CBLB: variants seen among roughly 807,000 people sequenced by gnomAD.
CBLB encodes the protein E3 ubiquitin-protein ligase CBL-B.
A neutral mutation model predicts 104.9 loss-of-function variants in CBLB; 31 were observed. The observed-to-expected ratio is 0.30, with a 90% CI of 0.22 to 0.40. CBLB has a LOEUF of 0.40. Among genes scored for constraint, CBLB ranks in the 10% least tolerant of loss-of-function variants. The pLI is 1.00. For missense variants in CBLB, 1,062 were observed against 1,214.6 expected (o/e 0.87, Z 1.87); for synonymous variants, 440 against 422.6 (o/e 1.04, Z -0.51).
intron 13 of CBLB, among the ~76,000 whole-genome samples, chr3:105,688,710 A>G (rs772448027): frequency 1.5e-4 from 23 of 152,092 alleles, no homozygotes; most frequent in Non-Finnish European, 2.1e-4. Context: ...AAAACAAAAT[A>G]TAGCTATATT....
intron 17 of CBLB, among the ~76,000 whole-genome samples, chr3:105,675,306 T>G (rs1331702604): frequency 6.6e-6 from 1 of 152,188 alleles, no homozygotes; most frequent in African/African-American, 2.4e-5. Context: ...TTATTTACCT[T>G]TTATAATTCT....
chr3:105,776,156 A>G (rs1015557697), intron 4 of CBLB, among the ~76,000 whole-genome samples: 2 of 152,196 alleles, frequency 1.3e-5, no homozygotes, highest in Non-Finnish European at 2.9e-5. Flanking sequence ...AACAAACTCA[A>G]TGAATGCTCA....
At chr3:105,846,089 C>T (rs1428427423) in intron 3 of CBLB, among the ~76,000 whole-genome samples, 1 of 151,784 alleles carries the variant, frequency 6.6e-6, no homozygotes, top group Non-Finnish European at 1.5e-5. Context: ...GAAAAAATGC[C>T]TTGAATGCAA....
intron 4 of CBLB, among the ~76,000 whole-genome samples, chr3:105,764,587 A>T (rs2078017047): frequency 6.6e-6 from 1 of 152,144 alleles, no homozygotes; most frequent in Non-Finnish European, 1.5e-5. Context: ...CCTAAGACAC[A>T]ACAACACTGA....
At chr3:105,782,137 T>C (rs573543254) in intron 3 of CBLB, among the ~76,000 whole-genome samples, 62 of 152,302 alleles carry the variant, frequency 4.1e-4, no homozygotes, top group Middle Eastern at 3.4e-3. Flanking sequence ...GATACTACTA[T>C]TGAGATGGGT....
Position 105,732,198 on chromosome 3 carries a change from T to G in CBLB, c.1203+1811A>C, listed in dbSNP as rs141915481. 2.3e-4 allele frequency among the ~76,000 whole-genome samples: 35 copies of G among 151,924 alleles called. No individual in the cohort carries two copies. The East Asian group carries it at 5.4e-3, about 23-fold the overall frequency. On this transcript the variant is annotated intron_variant, in intron 9 of 18. Coordinates refer to ENST00000394030, the MANE Select transcript of CBLB (RefSeq NM_170662.5). ...AGTCCAATTACAGACAATCTATCACTGAGTCAATATCTCTATAATACCTCC... is the reference window on the plus strand; with the variant it reads ...AGTCCAATTACAGACAATCTATCACGGAGTCAATATCTCTATAATACCTCC...
At chr3:105,848,854 G>A (rs189783331) in intron 3 of CBLB, among the ~76,000 whole-genome samples, 9 of 152,098 alleles carry the variant, frequency 5.9e-5, no homozygotes, top group African/African-American at 2.2e-4. Context: ...AGTAACCAGC[G>A]TTGTCATACC....
At chr3:105,670,150 A>ATAATT in intron 18 of CBLB, 83 bp downstream of exon 18, 1 of 1,125,260 alleles carries the variant, frequency 8.9e-7, no homozygotes, top group Non-Finnish European at 1.3e-6. Flanking sequence ...ATTAAATTAT[A>ATAATT]TAATGAATAA....
At chr3:105,806,644 T>A (rs1235981648) in intron 3 of CBLB, among the ~76,000 whole-genome samples, 3 of 152,078 alleles carry the variant, frequency 2.0e-5, no homozygotes, top group Non-Finnish European at 4.4e-5. Context: ...CCATGGGAAG[T>A]AGGCATGTCA....
Position 105,668,316 on chromosome 3 carries a change from G to A in CBLB, c.2689+1917C>T, listed in dbSNP as rs567062941. ...ATTCATACTGCTTGAAATCATATATGTGAATGATGTTCCTCTGGGCTCTAC... is the reference window on the plus strand; with the variant it reads ...ATTCATACTGCTTGAAATCATATATATGAATGATGTTCCTCTGGGCTCTAC... On this transcript the variant is annotated intron_variant, in intron 18 of 18. Transcript: ENST00000394030. 6.6e-5 allele frequency among the ~76,000 whole-genome samples: 10 copies of A among 152,256 alleles called. No homozygotes were observed. In the East Asian group the frequency reaches 1.7e-3, roughly 26 times the overall value.
intron 17 of CBLB, among the ~76,000 whole-genome samples, chr3:105,675,904 A>AAAAAG (rs2065583134): frequency 6.6e-6 from 1 of 150,556 alleles, no homozygotes; most frequent in African/African-American, 2.4e-5. Context: ...AAAAAAAAAA[A>AAAAAG]AGTCATAAAG....
rs140027541 is a variant in CBLB at position 105,755,137 on chromosome 3, C to T, written c.567-3519G>A. ...TGGTGCGCTGCACCCACTAATGTGT[C>T]ATCTAGCATTAGGTATATCTCCCAA... On this transcript the variant is annotated intron_variant, in intron 4 of 18. Transcript: ENST00000394030. 9.8e-3 allele frequency among the ~76,000 whole-genome samples: 1,478 copies of T among 151,496 alleles called. 13 individuals are homozygous for T. Among genetic ancestry groups the T allele is most frequent in the Non-Finnish European group, 0.017 (1,151 of 67,972 alleles).
intron 4 of CBLB, among the ~76,000 whole-genome samples, chr3:105,773,497 A>G (rs1175574004): frequency 6.6e-6 from 1 of 152,196 alleles, no homozygotes; most frequent in South Asian, 2.1e-4. Flanking sequence ...ACTTCAATCA[A>G]TCACTTTTCT....
intron 3 of CBLB, among the ~76,000 whole-genome samples, chr3:105,818,440 C>G (rs1399375845): frequency 6.6e-6 from 1 of 152,040 alleles, no homozygotes; most frequent in Non-Finnish European, 1.5e-5. Context: ...TAATAATATT[C>G]CCTACTGAAA....
chr3:105,693,001 T>C (rs1221689670), intron 13 of CBLB, among the ~76,000 whole-genome samples: 1 of 151,510 alleles, frequency 6.6e-6, no homozygotes, highest in African/African-American at 2.4e-5. Context: ...GCTCTTTCAG[T>C]TGTCCAGCTC....
At chr3:105,799,540 T>C (rs6805675) in intron 3 of CBLB, among the ~76,000 whole-genome samples, 149,177 of 152,290 alleles carry the variant, frequency 0.98, 73,144 homozygotes, top group East Asian at 1. Flanking sequence ...CATTTTGATT[T>C]GCAACATAAC....
intron 6 of CBLB, among the ~76,000 whole-genome samples, chr3:105,741,434 C>T (rs1468819990): frequency 2.0e-5 from 3 of 151,990 alleles, no homozygotes; most frequent in Non-Finnish European, 2.9e-5. Context: ...CTTGCTCTGT[C>T]GCCCATGCTG....
At chr3:105,799,167 T>C (rs1472524470) in intron 3 of CBLB, among the ~76,000 whole-genome samples, 2 of 72,684 alleles carry the variant, frequency 2.8e-5, no homozygotes, top group African/African-American at 5.9e-5. Flanking sequence ...TGGTAAATAA[T>C]GACAAAGAAC....
At chr3:105,847,758 C>A (rs1192172037) in intron 3 of CBLB, among the ~76,000 whole-genome samples, 1 of 151,988 alleles carries the variant, frequency 6.6e-6, no homozygotes, top group African/African-American at 2.4e-5. Flanking sequence ...GTGGCCAACA[C>A]CAGACCTTGC....
Sources: gnomAD v4.1 joint callset for allele counts (sites outside exome capture counted in the v4.1 genomes callset) on GRCh38, gnomAD v4.1.1 for gene constraint, MANE v1.5 for transcripts, NCBI Gene and HGNC (gene_info 2026-07-23, HGNC 2026-07-21) for gene names.